The following LRMDA variants were observed in gnomAD, a reference collection of about 807,000 sequenced individuals.
LRMDA encodes the protein leucine rich melanocyte differentiation associated, also known as leucine-rich melanocyte differentiation-associated protein.
LRMDA carries 18 observed loss-of-function variants against 29.8 expected under a neutral mutation model. The ratio of observed to expected loss-of-function variants is 0.60; its 90% CI spans 0.42 to 0.90. The LOEUF (loss-of-function observed/expected upper bound fraction) is 0.90. LRMDA is among the 40% of genes least tolerant of loss of function. LRMDA has a pLI of 0.00. For synonymous variants in LRMDA, 125 were observed against 109.4 expected (o/e 1.14, Z -0.89); for missense variants, 273 against 273.9 (o/e 1.00, Z 0.02).
chr10:76,113,448 T>G (rs904035761), intron 5 of LRMDA, among the ~76,000 whole-genome samples: 1 of 151,320 alleles, frequency 6.6e-6, no homozygotes, highest in Non-Finnish European at 1.5e-5. Flanking sequence ...ATGGAAGAGA[T>G]GAGTGAGAGG....
At chr10:76,089,646 G>A (rs1483143210) in intron 5 of LRMDA, among the ~76,000 whole-genome samples, 1 of 152,130 alleles carries the variant, frequency 6.6e-6, no homozygotes, top group Non-Finnish European at 1.5e-5. Flanking sequence ...TTTCGGCAGA[G>A]CCTTTCCCTT....
intron 6 of LRMDA, among the ~76,000 whole-genome samples, chr10:76,404,553 C>T (rs760912474): frequency 5.3e-4 from 80 of 152,132 alleles, no homozygotes; most frequent in Non-Finnish European, 8.8e-4. Context: ...CACACTGGCT[C>T]GCTAGCTGTT....
intron 1 of LRMDA, among the ~76,000 whole-genome samples, chr10:75,436,257 G>A (rs568180766): frequency 2.9e-4 from 44 of 152,122 alleles, no homozygotes; most frequent in African/African-American, 1.1e-3. Context: ...TGACAAACTG[G>A]GTGTCTATTA....
At chr10:76,321,926 G>A (rs186673009) in intron 5 of LRMDA, among the ~76,000 whole-genome samples, 1 of 150,852 alleles carries the variant, frequency 6.6e-6, no homozygotes, top group Admixed American at 6.6e-5. Context: ...GCCTGGGCAA[G>A]AGAGTGAGAT....
chr10:75,739,295 C>G lies in LRMDA; in HGVS notation c.132-296713C>G, dbSNP rs74616599. Among the ~76,000 whole-genome samples, 3 of 152,328 alleles carry G rather than the reference C, an allele frequency of 2.0e-5. No homozygotes were observed. In the East Asian group the frequency reaches 5.8e-4, roughly 29 times the overall value. ...TGTTGCCTTAGCACAAACCCAGGCC[C>G]AGAGATTGGCCTTGGGGTTTTTGCA... is the stretch of plus-strand genomic sequence containing the variant. On this transcript the variant is annotated intron_variant, in intron 2 of 6. Coordinates refer to ENST00000611255, the MANE Select transcript of LRMDA (RefSeq NM_001305581.2).
At chr10:75,661,472 C>T (rs76930429) in intron 2 of LRMDA, among the ~76,000 whole-genome samples, 4,640 of 152,180 alleles carry the variant, frequency 0.03, 246 homozygotes, top group African/African-American at 0.11. Context: ...TAAAAAGCTA[C>T]CAAGCAATGC....
At chr10:76,538,507 T>A (rs1392041465) in intron 6 of LRMDA, among the ~76,000 whole-genome samples, 1 of 147,770 alleles carries the variant, frequency 6.8e-6, no homozygotes, top group African/African-American at 2.5e-5. Context: ...TATGTATATA[T>A]ATATGTATAT....
At chr10:75,442,405 T>C (rs1156719842) in intron 2 of LRMDA, among the ~76,000 whole-genome samples, 1 of 152,252 alleles carries the variant, frequency 6.6e-6, no homozygotes, top group African/African-American at 2.4e-5. Flanking sequence ...TTGTATATGA[T>C]CTGAGAAAAG....
chr10:75,973,659 A>T (rs1487517987), intron 2 of LRMDA, among the ~76,000 whole-genome samples: 1 of 152,136 alleles, frequency 6.6e-6, no homozygotes, highest in African/African-American at 2.4e-5. Context: ...ACCTCAGGTG[A>T]TCCACCCGCC....
At chr10:75,645,632 G>A (rs1402410022) in intron 2 of LRMDA, among the ~76,000 whole-genome samples, 1 of 152,148 alleles carries the variant, frequency 6.6e-6, no homozygotes, top group African/African-American at 2.4e-5. Context: ...CAGAGTCCTG[G>A]TGGGGGAAAC....
At chr10:76,173,868 G>A (rs1418152050) in intron 5 of LRMDA, among the ~76,000 whole-genome samples, 1 of 152,154 alleles carries the variant, frequency 6.6e-6, no homozygotes, top group East Asian at 1.9e-4. Flanking sequence ...CACCGTGTTA[G>A]CTAGGATGGT....
rs71024600 is a variant in LRMDA at position 76,376,865 on chromosome 10, CTTTTTTTTTTTTTTTTTTTTTTT to C, written c.601+52396_601+52418del. Among the ~76,000 whole-genome samples, 169 of 47,386 alleles carry C rather than the reference CTTTTTTTTTTTTTTTTTTTTTTT, an allele frequency of 3.6e-3. 15 individuals are homozygous for C. Among genetic ancestry groups the C allele is most frequent in the African/African-American group, 0.013 (153 of 11,440 alleles). The allele number at this position is 47,386 out of a possible 152,430, so 31.1% of individuals were successfully genotyped here. A position where few individuals can be genotyped will look rare whatever the true frequency, so the allele number is the denominator to read the frequency against. On this transcript the variant is annotated intron_variant, in intron 6 of 6. Transcript: ENST00000611255. ...AAATGTTTGTTGGGCACTTGGAAGTCTTTTTTTTTTTTTTTTTTTTTTTTTTTTTTTTTTTTTTGAGACGTAGT... is the reference window on the plus strand; with the variant it reads ...AAATGTTTGTTGGGCACTTGGAAGTCTTTTTTTTTTTTTTTGAGACGTAGT...
intron 5 of LRMDA, among the ~76,000 whole-genome samples, chr10:76,194,168 C>A (rs1851294100): frequency 6.6e-6 from 1 of 152,156 alleles, no homozygotes; most frequent in African/African-American, 2.4e-5. Context: ...GAGTCTGTTG[C>A]AGAAGTGCTT....
chr10:76,031,468 A>G (rs1221643132), intron 2 of LRMDA, among the ~76,000 whole-genome samples: 1 of 152,024 alleles, frequency 6.6e-6, no homozygotes, highest in African/African-American at 2.4e-5. Flanking sequence ...TTTTTCTTAG[A>G]CACTCCCAGG....
chr10:76,202,114 T>C (rs887555688), intron 5 of LRMDA, among the ~76,000 whole-genome samples: 3 of 152,178 alleles, frequency 2.0e-5, no homozygotes, highest in African/African-American at 7.2e-5. Context: ...TCTGATTCTG[T>C]CACGTTGGCT....
chr10:75,845,289 A>G (rs1844613804), intron 2 of LRMDA, among the ~76,000 whole-genome samples: 1 of 152,188 alleles, frequency 6.6e-6, no homozygotes, highest in African/African-American at 2.4e-5. Flanking sequence ...CTTATCAGCA[A>G]CAATGGTTTT....
At chr10:75,602,106 G>T (rs1840894505) in intron 2 of LRMDA, among the ~76,000 whole-genome samples, 1 of 152,130 alleles carries the variant, frequency 6.6e-6, no homozygotes, top group African/African-American at 2.4e-5. Context: ...CATGTTTGCT[G>T]CTAATGGAAG....
chr10:75,699,419 A>T (rs1432072418), intron 2 of LRMDA, among the ~76,000 whole-genome samples: 7 of 152,246 alleles, frequency 4.6e-5, no homozygotes. Context: ...TGTGTTATCT[A>T]TAAAAACACT....
chr10:76,513,576 T>TGG (rs1843030235), intron 6 of LRMDA, among the ~76,000 whole-genome samples: 2 of 152,216 alleles, frequency 1.3e-5, no homozygotes, highest in South Asian at 2.1e-4. Context: ...GGTACTGGCT[T>TGG]AAGTAGAGTT....
Sources: gnomAD v4.1 joint callset for allele counts (sites outside exome capture counted in the v4.1 genomes callset) on GRCh38, gnomAD v4.1.1 for gene constraint, MANE v1.5 for transcripts, NCBI Gene and HGNC (gene_info 2026-07-23, HGNC 2026-07-21) for gene names.